The following NOLC1 variants were observed in gnomAD, a reference collection of about 807,000 sequenced individuals.
NOLC1 encodes the protein nucleolar and coiled-body phosphoprotein 1.
NOLC1 carries 37 observed loss-of-function variants against 73.4 expected under a neutral mutation model. That is an observed-to-expected ratio of 0.50 (90% CI 0.39 to 0.66). The LOEUF (loss-of-function observed/expected upper bound fraction) is 0.66. Among genes scored for constraint, NOLC1 ranks in the 30% least tolerant of loss-of-function variants. The probability of loss-of-function intolerance (pLI) is 0.00; values close to 1 mark genes in which losing one functional copy is unlikely to be tolerated. For missense variants in NOLC1, 921 were observed against 838.9 expected, an observed-to-expected ratio of 1.10 and a Z score of -1.21; for synonymous variants, 327 against 302.6, an observed-to-expected ratio of 1.08 and a Z score of -0.84.
At chr10:102,157,670 A>G in intron 4 of NOLC1, 115 bp downstream of exon 4, 2 of 1,244,774 alleles carry the variant, frequency 1.6e-6, no homozygotes. Context: ...GGTGATTATG[A>G]GGAAGAAAAT....
chr10:102,161,039 A>G lies in NOLC1; in HGVS notation c.1687A>G (p.Ser563Gly), dbSNP rs1307312701. 9 of 1,612,820 alleles carry G rather than the reference A, an allele frequency of 5.6e-6. No individual in the cohort carries two copies. The highest frequency in any genetic ancestry group is 7.6e-6 in the Non-Finnish European group (9 of 1,179,762). The part of the protein sequence containing the change: ...TAQNGKAAKN[S>G]EEEEEEKKKA... ...CCAGAATGGAAAAGCAGCTAAGAAC[A>G]GTGAGGAGGAGGAAGAAGAAAAGAA... Residue 563 changes from serine to glycine, a missense_variant, in exon 10 of 13, where the codon AGT becomes GGT. Ser to Gly is a moderately conservative substitution (Grantham distance 56). Coordinates refer to ENST00000605788, the MANE Select transcript of NOLC1 (RefSeq NM_004741.5).
intron 5 of NOLC1, among the ~76,000 whole-genome samples, 151 bp from the exon 6 acceptor site, chr10:102,159,040 CAG>C (rs893849311): frequency 1.8e-5 from 2 of 113,622 alleles, no homozygotes; most frequent in African/African-American, 7.0e-5. Context: ...GCCTGTGCAA[CAG>C]AGCCAGAGCC....
chr10:102,152,407 G>A lies in NOLC1; in HGVS notation c.-4G>A, dbSNP rs769561812. The A allele has an allele frequency of 1.2e-6, 2 of 1,609,300 alleles. No homozygotes were observed. Among genetic ancestry groups the A allele is most frequent in the African/African-American group, 2.7e-5 (2 of 75,078 alleles). On this transcript the variant is annotated 5_prime_UTR_variant, in exon 1 of 13. Coordinates refer to ENST00000605788, the MANE Select transcript of NOLC1 (RefSeq NM_004741.5). ...CAACGGTAGTGACGCGTATTGCCTG[G>A]AGGATGGCGGACGCCGGCATTCGCC...
Position 102,159,938 on chromosome 10 carries a change from A to C in NOLC1, c.902A>C (p.Lys301Thr), listed in dbSNP as rs1176455401. 1 of 1,609,586 alleles carries C rather than the reference A, an allele frequency of 6.2e-7. No individual in the cohort carries two copies. Among genetic ancestry groups the C allele is most frequent in the South Asian group, 1.1e-5 (1 of 90,194 alleles). ...SVPPPSAPPP[K>T]KSLGTQPPKK... is the part of the protein sequence containing the mutation. ...CCCCCGCCTTCTGCTCCCCCACCAA[A>C]GAAGTCTCTGGGAACCCAGCCTCCC... The change falls in exon 8 of 13, where the codon AAG (lysine) becomes ACG (threonine). Residue 301 changes from lysine to threonine, a missense_variant. Coordinates refer to ENST00000605788, the MANE Select transcript of NOLC1 (RefSeq NM_004741.5).
At chr10:102,162,036 AG>A in intron 12 of NOLC1, 74 bp from the exon 13 acceptor site, 1 of 1,602,984 alleles carries the variant, frequency 6.2e-7, no homozygotes, top group Non-Finnish European at 8.5e-7. Context: ...TTCCTTGAGC[AG>A]GGAGTAGAAA....
chr10:102,161,768 G>A, intron 11 of NOLC1, 65 bp from the exon 12 acceptor site: 1 of 1,544,044 alleles, frequency 6.5e-7, no homozygotes, highest in Non-Finnish European at 8.9e-7. Flanking sequence ...GTGCCCATGT[G>A]TATCACTCAG....
chr10:102,160,937 G>C lies in NOLC1; in HGVS notation c.1585G>C (p.Glu529Gln), dbSNP rs200582354. Residue 529 changes from glutamate to glutamine, a missense_variant, in exon 10 of 13, where the codon GAG becomes CAG. By Grantham distance (29) the Glu-to-Gln change is conservative. Coordinates refer to ENST00000605788, the MANE Select transcript of NOLC1 (RefSeq NM_004741.5). ...SSSSDDSSEE[E>Q]EEKLKGKGSP... ...TTCTTCTGATGACTCCAGTGAGGAA[G>C]AGGAAGAGAAGCTCAAGGGCAAGGG... The C allele has an allele frequency of 6.2e-7, 1 of 1,614,126 alleles. No homozygotes were observed. Among genetic ancestry groups the C allele is most frequent in the African/African-American group, 1.3e-5 (1 of 74,940 alleles).
chr10:102,160,539 A>T lies in NOLC1; in HGVS notation c.1187A>T (p.Lys396Met), dbSNP rs746461134. 19 of 1,614,074 alleles carry T rather than the reference A, an allele frequency of 1.2e-5. No individual in the cohort carries two copies. The highest frequency in any genetic ancestry group is 1.6e-5 in the Non-Finnish European group (19 of 1,180,050). The stretch of plus-strand genomic sequence containing the variant: ...TCAAATAAGCCAGCTGTCACCACCA[A>T]GTCACCTGCAGTGAAGCCAGCTGCA... ...NSSNKPAVTTKSPAVKPAAAP... is the reference protein window; with the variant it reads ...NSSNKPAVTTMSPAVKPAAAP... The change falls in exon 10 of 13, where the codon AAG becomes ATG. Residue 396 changes from lysine (K) to methionine (M), a missense_variant. By Grantham distance (95) the Lys-to-Met change is moderately conservative. Transcript: ENST00000605788.
At chr10:102,153,147 T>C (rs947229374) in intron 1 of NOLC1, among the ~76,000 whole-genome samples, 3 of 152,184 alleles carry the variant, frequency 2.0e-5, no homozygotes, top group Non-Finnish European at 4.4e-5. Context: ...GCTCTGCCAC[T>C]TTTTAGATAC....
At position 102,161,848 on chromosome 10, in the gene NOLC1, T is replaced by C. The variant is rs777484059; in HGVS notation, c.1864T>C (p.Ser622Pro). ...TCTTCTGTAGGGAGAAAAAAGGGCA[T>C]CATCCCCATTCCGAAGGGTCAGGGA... ...PKRKKGEKRA[S>P]SPFRRVREEE... Residue 622 changes from serine to proline, a missense_variant, in exon 12 of 13, where the codon TCA (serine) becomes CCA (proline). Ser to Pro is a moderately conservative substitution (Grantham distance 74). Coordinates refer to ENST00000605788, the MANE Select transcript of NOLC1 (RefSeq NM_004741.5). The C allele has an allele frequency of 1.8e-5, 29 of 1,614,092 alleles. No individual in the cohort carries two copies. Among genetic ancestry groups the C allele is most frequent in the South Asian group, 3.3e-5 (3 of 91,082 alleles).
rs759061438 is a variant in NOLC1, at chr10:102,160,917, C to T, written c.1565C>T (p.Ser522Phe). ...GKAESSNSSS[S>F]DDSSEEEEEK... ...GCTGAGAGCAGCAACAGTTCTTCTT[C>T]TGATGACTCCAGTGAGGAAGAGGAA... is the stretch of plus-strand genomic sequence containing the variant. The change falls in exon 10 of 13, where the codon TCT becomes TTT. Residue 522 changes from serine to phenylalanine, a missense_variant. Ser to Phe is a radical substitution (Grantham distance 155, BLOSUM62 -2). Transcript: ENST00000605788. 1 of 1,614,152 alleles carries T rather than the reference C, an allele frequency of 6.2e-7. No individual in the cohort carries two copies. Among genetic ancestry groups the T allele is most frequent in the Admixed American group, 1.7e-5 (1 of 60,028 alleles).
chr10:102,159,136 T>C (rs2133758385), intron 5 of NOLC1, 57 bp from the exon 6 acceptor site: 1 of 1,560,728 alleles, frequency 6.4e-7, no homozygotes, highest in Middle Eastern at 1.9e-4. Context: ...AGGAGGTTTT[T>C]CATGGTCCTG....
chr10:102,158,747 G>A (rs967266378), intron 5 of NOLC1, among the ~76,000 whole-genome samples: 1 of 152,132 alleles, frequency 6.6e-6, no homozygotes, highest in Non-Finnish European at 1.5e-5. Context: ...ATCCTTTGAT[G>A]TGGTAAACCA....
chr10:102,159,479 C>G lies in NOLC1; in HGVS notation c.770C>G (p.Ala257Gly), dbSNP rs1468177090. The G allele has an allele frequency of 6.2e-7, 1 of 1,614,088 alleles. No homozygotes were observed. The change falls in exon 7 of 13, where the codon GCT becomes GGT. Residue 257 changes from alanine to glycine, a missense_variant. Coordinates refer to ENST00000605788, the MANE Select transcript of NOLC1 (RefSeq NM_004741.5). ...QVVAKAPVKA[A>G]TTPTRKSSSS... ...GTGGCCAAGGCCCCAGTGAAAGCAGCTACCACCCCTACCCGGAAGAGTTCT... is the reference window on the plus strand; with the variant it reads ...GTGGCCAAGGCCCCAGTGAAAGCAGGTACCACCCCTACCCGGAAGAGTTCT...
Position 102,159,316 on chromosome 10 carries a change from C to A in NOLC1, c.723+8C>A. On this transcript the variant is annotated splice_region_variant and intron_variant, in intron 6 of 12. Coordinates refer to ENST00000605788, the MANE Select transcript of NOLC1 (RefSeq NM_004741.5). ...GCAGCCACCCCCAAGAAGGTCTGGA[C>A]CATAACTTCTGTCAGGGCAGAGGTG... is the stretch of plus-strand genomic sequence containing the variant. 6.2e-7 allele frequency: 1 copy of A among 1,614,068 alleles called. No individual in the cohort carries two copies. The highest frequency in any genetic ancestry group is 8.5e-7 in the Non-Finnish European group (1 of 1,180,010).
rs761216181 is a variant in NOLC1, at chr10:102,160,589, G to A, written c.1237G>A (p.Gly413Ser). 1.2e-6 allele frequency: 2 copies of A among 1,614,206 alleles called. No individual in the cohort carries two copies. The highest frequency in any genetic ancestry group is 1.7e-6 in the Non-Finnish European group (2 of 1,180,032). ...AGCCCCCAAGCAACCTGTGGGCGGTGGCCAGAAGCTTCTGACGAGAAAGGC... is the reference window on the plus strand; with the variant it reads ...AGCCCCCAAGCAACCTGTGGGCGGTAGCCAGAAGCTTCTGACGAGAAAGGC... ...AAAPKQPVGG[G>S]QKLLTRKADS... The change falls in exon 10 of 13, where the codon GGC becomes AGC. Residue 413 changes from glycine (G) to serine (S), a missense_variant. Transcript: ENST00000605788.
rs755230398 is a variant in NOLC1 at position 102,159,181 on chromosome 10, T to G, written c.608-12T>G. 3 of 1,613,474 alleles carry G rather than the reference T, an allele frequency of 1.9e-6. No individual in the cohort carries two copies. The East Asian group carries it at 6.7e-5, about 36-fold the overall frequency. On this transcript the variant is annotated splice_polypyrimidine_tract_variant and intron_variant, in intron 5 of 12. Coordinates refer to ENST00000605788, the MANE Select transcript of NOLC1 (RefSeq NM_004741.5). ...AATACTCCTTACTCTTTCTTTTTCT[T>G]GGGTATTCCAGCTCGAGCAGCACCT...
At chr10:102,154,382 C>G (rs953311667) in intron 1 of NOLC1, among the ~76,000 whole-genome samples, 4 of 151,974 alleles carry the variant, frequency 2.6e-5, no homozygotes, top group Non-Finnish European at 5.9e-5. Context: ...CGCACCCGGC[C>G]AACATGCATT....
chr10:102,160,423 G>A lies in NOLC1; in HGVS notation c.1100-29G>A, dbSNP rs986033139. 3.1e-6 allele frequency: 5 copies of A among 1,612,202 alleles called. No homozygotes were observed. The African/African-American group carries it at 4.0e-5, about 13-fold the overall frequency. The stretch of plus-strand genomic sequence containing the variant: ...GGCTCCCCTGAATCCAATTTGGGGA[G>A]CTGTTGATTCCATCCCTTCTGTGTC... On this transcript the variant is annotated intron_variant, in intron 9 of 12. Coordinates refer to ENST00000605788, the MANE Select transcript of NOLC1 (RefSeq NM_004741.5).
Sources: allele counts gnomAD v4.1 joint callset (sites outside exome capture counted in the v4.1 genomes callset), GRCh38; gene constraint gnomAD v4.1.1; transcripts MANE v1.5; gene names NCBI Gene and HGNC (gene_info 2026-07-23, HGNC 2026-07-21).